THOP1: variants seen among roughly 807,000 people sequenced by gnomAD.
The protein encoded by THOP1 is thimet oligopeptidase.
A neutral mutation model predicts 71.8 loss-of-function variants in THOP1; 49 were observed. That is an observed-to-expected ratio of 0.68 (90% CI 0.54 to 0.87). The LOEUF (loss-of-function observed/expected upper bound fraction) is 0.87, where lower values mean the gene tolerates loss of function less well. Ranked by LOEUF, THOP1 falls within the 40% of genes least tolerant of loss-of-function variation. The pLI, the probability that THOP1 is intolerant of heterozygous loss-of-function variation, is 0.00. For synonymous variants in THOP1, 426 were observed against 421.5 expected (o/e 1.01, Z -0.13); for missense variants, 843 against 975.6 (o/e 0.86, Z 1.81).
chr19:2,810,353 A>T lies in THOP1; in HGVS notation c.1505A>T (p.Glu502Val). ...SGTHVERDFV[E>V]APSQMLENWV... ...ACCCACGTGGAGCGGGACTTTGTGG[A>T]GGCGCCGTCGCAGATGCTGGAGAAC... Residue 502 changes from glutamate (E) to valine (V), a missense_variant, in exon 10 of 13, where the codon GAG (glutamate) becomes GTG (valine). By Grantham distance (121) the Glu-to-Val change is moderately radical (BLOSUM62 -2). Transcript: ENST00000307741. The T allele has an allele frequency of 6.2e-7, 1 of 1,611,696 alleles. No individual in the cohort carries two copies. The highest frequency in any genetic ancestry group is 8.5e-7 in the Non-Finnish European group (1 of 1,179,716).
Position 2,801,752 on chromosome 19 carries a change from G to A in THOP1, c.589+1961G>A, listed in dbSNP as rs564921158. On this transcript the variant is annotated intron_variant, in intron 5 of 12. Transcript: ENST00000307741. This position sits in a 1 kb window ranked among gnomAD's most constrained non-coding sequence, Gnocchi z 5.1. ...GGTGGGGACTCTGGAGCCCTGAGGC[G>A]GCCAGGGTGTCACATGGCAAGGGGA... Among the ~76,000 whole-genome samples the A allele has an allele frequency of 5.8e-4, 89 of 152,212 alleles. No individual in the cohort carries two copies. The highest frequency in any genetic ancestry group is 9.7e-4 in the Non-Finnish European group (66 of 67,978).
At position 2,808,226 on chromosome 19, in the gene THOP1, G is replaced by T. The variant is rs1024882297; in HGVS notation, c.1254-17G>T. 6 of 1,545,222 alleles carry T rather than the reference G, an allele frequency of 3.9e-6. No individual in the cohort carries two copies. In the East Asian group the frequency reaches 9.8e-5, roughly 25 times the overall value. On this transcript the variant is annotated splice_polypyrimidine_tract_variant and intron_variant, in intron 8 of 12. Coordinates refer to ENST00000307741, the MANE Select transcript of THOP1 (RefSeq NM_003249.5). ...GTCTCTAGTCCCTGCGGGGCCTGACGCTGCCTCCCTCCCCAGGGAAGGAAA... is the reference window on the plus strand; with the variant it reads ...GTCTCTAGTCCCTGCGGGGCCTGACTCTGCCTCCCTCCCCAGGGAAGGAAA...
chr19:2,785,699 CG>C, intron 1 of THOP1, 21 bp downstream of exon 1: 1 of 1,437,248 alleles, frequency 7.0e-7, no homozygotes, highest in South Asian at 1.5e-5. Flanking sequence ...CCCCGCTCGC[CG>C]GACCCGGGCG....
rs761698389 is a variant in THOP1 at position 2,804,186 on chromosome 19, G to C, written c.590-830G>C. 6.6e-6 allele frequency among the ~76,000 whole-genome samples: 1 copy of C among 152,162 alleles called. No homozygotes were observed. The stretch of plus-strand genomic sequence containing the variant: ...AGGCACGGTGGCCCTGGCGTCTCCC[G>C]AGCCATGAGGTAGGAACCCCAGAGG... On this transcript the variant is annotated intron_variant, in intron 5 of 12. Coordinates refer to ENST00000307741, the MANE Select transcript of THOP1 (RefSeq NM_003249.5). The surrounding 1 kb of genome is among the most constrained non-coding windows in gnomAD (Gnocchi z 4.7).
At chr19:2,806,595 A>C in intron 6 of THOP1, 2 of 370,384 alleles carry the variant, frequency 5.4e-6, no homozygotes. Context: ...GAGACTGGGA[A>C]CCAAGGCCTG....
In THOP1 at chr19:2,790,399, ACTGGGTTTTGTTTCTGCGTAGC is replaced by A; in HGVS notation, c.17-18_20del. ...TGAACCGAAAGCAGACCCGCCCGGC[ACTGGGTTTTGTTTCTGCGTAGC>A]CTGTGCAGGAGACATGGCGGACGCA... On this transcript the variant is annotated splice_acceptor_variant and splice_polypyrimidine_tract_variant and coding_sequence_variant and intron_variant, in exon 2 of 13. Coordinates refer to ENST00000307741, the MANE Select transcript of THOP1 (RefSeq NM_003249.5). LOFTEE classifies it high-confidence loss of function. 6.6e-7 allele frequency: 1 copy of A among 1,507,444 alleles called. No homozygotes were observed. Among genetic ancestry groups the A allele is most frequent in the South Asian group, 1.3e-5 (1 of 74,962 alleles). 93.4% of individuals were successfully genotyped at this position (1,507,444 alleles called of 1,614,324 possible).
Position 2,801,118 on chromosome 19 carries a change from G to T in THOP1, c.589+1327G>T, listed in dbSNP as rs1916135212. On this transcript the variant is annotated intron_variant, in intron 5 of 12. Coordinates refer to ENST00000307741, the MANE Select transcript of THOP1 (RefSeq NM_003249.5). The surrounding 1 kb of genome is among the most constrained non-coding windows in gnomAD (Gnocchi z 5.1). The stretch of plus-strand genomic sequence containing the variant: ...TGGATTCTGGGATTAGCAGGTGATT[G>T]TTGGAAGGAAAGGGGAGGTCTGGAA... Among the ~76,000 whole-genome samples, 1 of 152,200 alleles carries T rather than the reference G, an allele frequency of 6.6e-6. No individual in the cohort carries two copies. Among genetic ancestry groups the T allele is most frequent in the Non-Finnish European group, 1.5e-5 (1 of 68,042 alleles).
chr19:2,792,120 G>A (rs2238618), intron 2 of THOP1, among the ~76,000 whole-genome samples: 3,266 of 152,304 alleles, frequency 0.021, 132 homozygotes, highest in South Asian at 0.15. Flanking sequence ...TCGTCCCTGC[G>A]GTCACTTGTC....
chr19:2,806,957 C>T lies in THOP1; in HGVS notation c.791C>T (p.Ala264Val). The change falls in exon 7 of 13, where the codon GCC becomes GTC. Residue 264 changes from alanine (A) to valine (V), a missense_variant. Coordinates refer to ENST00000307741, the MANE Select transcript of THOP1 (RefSeq NM_003249.5). ...CTCAAGGAGCTGGTGACGCTGCGGG[C>T]CCAGAAGTCCCGCCTGCTGGGGTTC... Reference protein sequence around the residue: ...AILKELVTLRAQKSRLLGFHT... With the variant: ...AILKELVTLRVQKSRLLGFHT... 5.0e-6 allele frequency: 8 copies of T among 1,613,144 alleles called. No homozygotes were observed. Among genetic ancestry groups the T allele is most frequent in the Non-Finnish European group, 6.8e-6 (8 of 1,179,828 alleles).
intron 5 of THOP1, 41 bp downstream of exon 5, chr19:2,799,832 G>T: frequency 1.3e-6 from 2 of 1,563,042 alleles, no homozygotes; most frequent in South Asian, 1.1e-5. Flanking sequence ...CATCGGTCCT[G>T]GGACTCAGTG....
chr19:2,810,653 G>C lies in THOP1; in HGVS notation c.1656G>C (p.Leu552=). ...SRQANTGLFN[L]RQIVLAKVDQ... ...CCTCCCGCCCAGGCCTCTTCAACCT[G>C]CGCCAGATCGTCCTCGCCAAGGTGG... Residue 552 remains leucine, a synonymous_variant, in exon 11 of 13, where the codon CTG becomes CTC. Transcript: ENST00000307741. The C allele has an allele frequency of 1.3e-6, 2 of 1,555,012 alleles. No individual in the cohort carries two copies. The highest frequency in any genetic ancestry group is 1.7e-6 in the Non-Finnish European group (2 of 1,149,366).
chr19:2,789,264 T>C (rs7258694), intron 1 of THOP1, among the ~76,000 whole-genome samples: 3,967 of 152,276 alleles, frequency 0.026, 158 homozygotes, highest in African/African-American at 0.089. Flanking sequence ...TGCAGAACTG[T>C]TTGCTGGCCC....
rs377724510 is a variant in THOP1, at chr19:2,790,420, G to C, written c.17-1G>C. ...CGGCACTGGGTTTTGTTTCTGCGTA[G>C]CCTGTGCAGGAGACATGGCGGACGC... On this transcript the variant is annotated splice_acceptor_variant, in intron 1 of 12. Coordinates refer to ENST00000307741, the MANE Select transcript of THOP1 (RefSeq NM_003249.5). LOFTEE classifies it high-confidence loss of function. 7 of 1,535,150 alleles carry C rather than the reference G, an allele frequency of 4.6e-6. No individual in the cohort carries two copies. The highest frequency in any genetic ancestry group is 6.1e-6 in the Non-Finnish European group (7 of 1,140,342).
rs531696133 is a variant in THOP1 at position 2,790,541 on chromosome 19, G to A, written c.137G>A (p.Arg46His). The change falls in exon 2 of 13, where the codon CGC becomes CAC. Residue 46 changes from arginine to histidine, a missense_variant. Physicochemically the swap from Arg to His is conservative, Grantham distance 29. Coordinates refer to ENST00000307741, the MANE Select transcript of THOP1 (RefSeq NM_003249.5). Reference protein sequence around the residue: ...RTRELIEQTKRVYDQVGTQEF... With the variant: ...RTRELIEQTKHVYDQVGTQEF... ...AGGGAGCTCATCGAGCAGACCAAGC[G>A]CGTGTATGACCAGGTTGGCACCCAG... The A allele has an allele frequency of 3.7e-5, 59 of 1,608,448 alleles. No individual in the cohort carries two copies. Among genetic ancestry groups the A allele is most frequent in the Middle Eastern group, 1.7e-4 (1 of 6,040 alleles).
At chr19:2,806,410 T>C in intron 6 of THOP1, 1 of 160,252 alleles carries the variant, frequency 6.2e-6, no homozygotes, top group Non-Finnish European at 1.4e-5. Context: ...CTGGGTTTCC[T>C]GTGGACCCAG....
chr19:2,793,033 G>A (rs565066941), intron 2 of THOP1, among the ~76,000 whole-genome samples: 2 of 152,090 alleles, frequency 1.3e-5, no homozygotes, highest in African/African-American at 4.8e-5. Flanking sequence ...AAATTATCCG[G>A]GCGTGGTGGC....
chr19:2,796,253 A>C (rs1431185934), intron 4 of THOP1, 65 bp downstream of exon 4: 16 of 1,308,218 alleles, frequency 1.2e-5, no homozygotes, highest in Non-Finnish European at 1.6e-5. Flanking sequence ...TGCTGGGCAC[A>C]GGGAGTGCTC....
At chr19:2,812,696 T>TC (rs945722864) in intron 12 of THOP1, among the ~76,000 whole-genome samples, 3 of 152,190 alleles carry the variant, frequency 2.0e-5, no homozygotes, top group Non-Finnish European at 2.9e-5. Flanking sequence ...CACCGGCGCC[T>TC]CGCAGTCTCA....
chr19:2,795,849 A>G (rs547683188), intron 3 of THOP1, among the ~76,000 whole-genome samples: 8 of 152,344 alleles, frequency 5.3e-5, no homozygotes, highest in South Asian at 2.1e-4. Context: ...CAGCCATCGC[A>G]CTGGTGAAGG....
Sources: gnomAD v4.1 joint callset for allele counts (sites outside exome capture counted in the v4.1 genomes callset) on GRCh38, gnomAD v4.1.1 for gene constraint, Gnocchi (gnomAD v3.1) non-coding constraint, MANE v1.5 for transcripts, NCBI Gene and HGNC (gene_info 2026-07-23, HGNC 2026-07-21) for gene names.